The following HTR4 variants were observed in gnomAD, a reference collection of about 807,000 sequenced individuals.
HTR4 encodes 5-hydroxytryptamine receptor 4, also known as 5-hydroxytryptamine (serotonin) receptor 4, G protein-coupled.
HTR4 carries 16 observed loss-of-function variants against 36.8 expected under a neutral mutation model. That is an observed-to-expected ratio of 0.43 (90% confidence interval 0.29 to 0.66). The LOEUF (loss-of-function observed/expected upper bound fraction) is 0.66. HTR4 is among the 30% of genes least tolerant of loss of function. The pLI is 0.13. For missense variants in HTR4, 438 were observed against 490.9 expected (o/e 0.89, Z 1.02); for synonymous variants, 189 against 185.1 (o/e 1.02, Z -0.17).
intron 6 of HTR4, among the ~76,000 whole-genome samples, chr5:148,491,557 G>A (rs1248151577): frequency 6.6e-6 from 1 of 152,048 alleles, no homozygotes; most frequent in East Asian, 1.9e-4. Flanking sequence ...TCCATGCATT[G>A]TCGGATGATT....
At chr5:148,646,725 A>G (rs1412383850) in intron 1 of HTR4, among the ~76,000 whole-genome samples, 1 of 152,212 alleles carries the variant, frequency 6.6e-6, no homozygotes, top group Non-Finnish European at 1.5e-5. Context: ...TTTTTATAAC[A>G]GACCAAGAAC....
intron 2 of HTR4, among the ~76,000 whole-genome samples, chr5:148,613,361 CA>C (rs1262350179): frequency 7.0e-6 from 1 of 142,448 alleles, no homozygotes; most frequent in Non-Finnish European, 1.5e-5. Context: ...CCCTGGGATG[CA>C]AGGCTGGTTC....
At chr5:148,452,797 G>A (rs1162393311) in intron 5 of HTR4, among the ~76,000 whole-genome samples, 1 of 152,126 alleles carries the variant, frequency 6.6e-6, no homozygotes, top group Non-Finnish European at 1.5e-5. Context: ...TCAGTGTTAA[G>A]AAGAATAAAA....
intron 2 of HTR4, among the ~76,000 whole-genome samples, chr5:148,601,363 G>T (rs1761989909): frequency 6.6e-6 from 1 of 152,132 alleles, no homozygotes; most frequent in Admixed American, 6.5e-5. Context: ...ATTGAAATCA[G>T]AGTCTCGAAG....
At chr5:148,548,559 C>T (rs1018048017) in intron 4 of HTR4, 109 bp downstream of exon 4, 2 of 940,752 alleles carry the variant, frequency 2.1e-6, no homozygotes, top group African/African-American at 1.7e-5. Context: ...AAATTTACCT[C>T]TCTGAGATTC....
At chr5:148,471,290 G>T (rs1222897257) in intron 5 of HTR4, among the ~76,000 whole-genome samples, 1 of 152,176 alleles carries the variant, frequency 6.6e-6, no homozygotes, top group Non-Finnish European at 1.5e-5. Flanking sequence ...CCCATGCCTA[G>T]TACAATGCCT....
chr5:148,535,212 G>C lies in HTR4; in HGVS notation c.354-11866C>G, dbSNP rs554988160. On this transcript the variant is annotated intron_variant, in intron 4 of 6. Transcript: ENST00000377888. ...CAATGCCTTGGCCCTGTGAAAGCAG[G>C]CAGGAAAGGAGTCTATTGACTGTAT... 3.3e-5 allele frequency among the ~76,000 whole-genome samples: 5 copies of C among 152,256 alleles called. No homozygotes were observed. The South Asian group carries it at 1.0e-3, about 32-fold the overall frequency.
At chr5:148,488,415 A>G (rs1445789535) in intron 6 of HTR4, among the ~76,000 whole-genome samples, 1 of 152,224 alleles carries the variant, frequency 6.6e-6, no homozygotes, top group East Asian at 1.9e-4. Context: ...GGATAAAGCT[A>G]AATTTTAATA....
At chr5:148,578,130 G>T (rs1760998906) in intron 2 of HTR4, among the ~76,000 whole-genome samples, 1 of 151,916 alleles carries the variant, frequency 6.6e-6, no homozygotes, top group Non-Finnish European at 1.5e-5. Context: ...GCAACAGAAT[G>T]ATAAGACTAC....
chr5:148,465,930 T>C lies in HTR4; in HGVS notation c.1077-14658A>G, dbSNP rs1435243512. Reference sequence around the variant, plus strand: ...CTGGAGACAGGGGAACAGCCACTTTTAGTTGAAACAGAAAACAGCCACAGA... The same window carrying C: ...CTGGAGACAGGGGAACAGCCACTTTCAGTTGAAACAGAAAACAGCCACAGA... On this transcript the variant is annotated intron_variant, in intron 5 of 5. Transcript: ENST00000521530. The C allele has an allele frequency of 3.1e-6, 5 of 1,612,966 alleles. No homozygotes were observed. The South Asian group carries it at 3.3e-5, about 11-fold the overall frequency.
intron 4 of HTR4, among the ~76,000 whole-genome samples, chr5:148,534,871 C>T (rs1026096714): frequency 6.6e-6 from 1 of 152,062 alleles, no homozygotes; most frequent in African/African-American, 2.4e-5. Flanking sequence ...TCTGCTGCCT[C>T]CAAGTGGAGG....
intron 2 of HTR4, among the ~76,000 whole-genome samples, chr5:148,617,780 T>C (rs1372111004): frequency 1.3e-5 from 2 of 152,076 alleles, no homozygotes; most frequent in African/African-American, 4.8e-5. Flanking sequence ...CCTAGTCAAG[T>C]CTCTTACCTG....
At chr5:148,541,459 C>T (rs754215887) in intron 4 of HTR4, among the ~76,000 whole-genome samples, 1 of 152,160 alleles carries the variant, frequency 6.6e-6, no homozygotes. Flanking sequence ...TTGAGACGCA[C>T]ATAATAAGAA....
intron 1 of HTR4, 69 bp from the exon 2 acceptor site, chr5:148,637,130 A>G (rs1282235448): frequency 1.4e-5 from 14 of 989,796 alleles, no homozygotes; most frequent in Non-Finnish European, 2.2e-5. Flanking sequence ...CCTTGTTTTA[A>G]AAAACTCAAA....
Position 148,546,426 on chromosome 5 carries a change from C to T in HTR4, c.353+2242G>A, listed in dbSNP as rs142353502. Reference sequence around the variant, plus strand: ...CATTTTAAAAGCTGGGATTTGAACCCAAATCTCTTCAATTCTAAAGCAGAT... The same window carrying T: ...CATTTTAAAAGCTGGGATTTGAACCTAAATCTCTTCAATTCTAAAGCAGAT... On this transcript the variant is annotated intron_variant, in intron 4 of 6. Transcript: ENST00000377888. Among the ~76,000 whole-genome samples, 3 of 152,274 alleles carry T rather than the reference C, an allele frequency of 2.0e-5. No homozygotes were observed. The East Asian group carries it at 5.8e-4, about 29-fold the overall frequency.
At chr5:148,474,493 G>A (rs1268098621), downstream of HTR4, among the ~76,000 whole-genome samples, 1 of 151,986 alleles carries the variant, frequency 6.6e-6, no homozygotes, top group Non-Finnish European at 1.5e-5. Context: ...CATTCAATAC[G>A]GAGAAAGACT....
intron 4 of HTR4, among the ~76,000 whole-genome samples, chr5:148,544,537 G>A (rs904969331): frequency 1.8e-4 from 27 of 151,796 alleles, no homozygotes; most frequent in African/African-American, 6.1e-4. Context: ...TTTAAAACTA[G>A]TACTCTATCA....
chr5:148,529,641 G>T (rs1043732449), intron 4 of HTR4, among the ~76,000 whole-genome samples: 4 of 152,166 alleles, frequency 2.6e-5, no homozygotes, highest in Non-Finnish European at 5.9e-5. Flanking sequence ...CAGTAAATTG[G>T]TACCAGGAGT....
chr5:148,467,146 G>T (rs559778052), intron 5 of HTR4, among the ~76,000 whole-genome samples: 1 of 152,180 alleles, frequency 6.6e-6, no homozygotes, highest in South Asian at 2.1e-4. Flanking sequence ...GTGCACAAAG[G>T]GTAGCCAAAA....
Sources: allele counts gnomAD v4.1 joint callset (sites outside exome capture counted in the v4.1 genomes callset), GRCh38; gene constraint gnomAD v4.1.1; transcripts MANE v1.5; gene names NCBI Gene and HGNC (gene_info 2026-07-23, HGNC 2026-07-21).